THSD7B: variants seen among roughly 807,000 people sequenced by gnomAD.
THSD7B encodes thrombospondin type-1 domain-containing protein 7B.
In THSD7B, 138 loss-of-function variants were observed where a neutral mutation model predicts 213.6. The observed-to-expected ratio is 0.65, with a 90% CI of 0.56 to 0.74. THSD7B has a LOEUF of 0.74. Among genes scored for constraint, THSD7B ranks in the 30% least tolerant of loss-of-function variants. The pLI, the probability that THSD7B is intolerant of heterozygous loss-of-function variation, is 0.00. For synonymous variants in THSD7B, 742 were observed against 687.0 expected (o/e 1.08, Z -1.25); for missense variants, 1,931 against 1,991.5 (o/e 0.97, Z 0.58).
In THSD7B at chr2:137,576,061, T is replaced by C. The variant is rs1048103128; in HGVS notation, c.3423+3505T>C. ...CAAGAGAAGTTTATAAATTTCTGGA[T>C]GCAAATATCTTGGAACATTTGAAGT... is the stretch of plus-strand genomic sequence containing the variant. On this transcript the variant is annotated intron_variant, in intron 17 of 27. Transcript: ENST00000409968. 2.6e-5 allele frequency among the ~76,000 whole-genome samples: 4 copies of C among 152,254 alleles called. No homozygotes were observed. The East Asian group carries it at 7.7e-4, about 29-fold the overall frequency.
Position 136,897,555 on chromosome 2 carries a change from T to C in THSD7B, c.139+15238T>C, listed in dbSNP as rs141174325. ...TAGTGTGGACCCAAAGAGTGAGCAG[T>C]AGCAAGATTTATTGTGAAGAGCGAA... On this transcript the variant is annotated intron_variant, in intron 2 of 27. Coordinates refer to ENST00000409968, the MANE Select transcript of THSD7B (RefSeq NM_001316349.2). 3.1e-3 allele frequency among the ~76,000 whole-genome samples: 471 copies of C among 152,132 alleles called. 1 individual carries two copies. Among genetic ancestry groups the C allele is most frequent in the Non-Finnish European group, 5.5e-3 (377 of 68,006 alleles).
At chr2:137,370,768 C>G (rs1685522340) in intron 12 of THSD7B, among the ~76,000 whole-genome samples, 1 of 151,994 alleles carries the variant, frequency 6.6e-6, no homozygotes. Context: ...CGTGCCCAGC[C>G]CTTAATAATA....
chr2:137,161,199 A>G (rs1277403103), intron 6 of THSD7B, among the ~76,000 whole-genome samples: 1 of 152,146 alleles, frequency 6.6e-6, no homozygotes, highest in Non-Finnish European at 1.5e-5. Flanking sequence ...TAATCAAAAT[A>G]CGTGTCTTCA....
chr2:137,130,570 T>G (rs1209604605), intron 5 of THSD7B, among the ~76,000 whole-genome samples: 1 of 134,594 alleles, frequency 7.4e-6, no homozygotes, highest in Admixed American at 8.2e-5. Context: ...GATGTTCCCC[T>G]TCCTGTGTCC....
chr2:137,525,215 C>T (rs1680256582), intron 15 of THSD7B, among the ~76,000 whole-genome samples: 1 of 152,154 alleles, frequency 6.6e-6, no homozygotes, highest in African/African-American at 2.4e-5. Flanking sequence ...TGATCATGGA[C>T]TGCTGCAGAA....
At chr2:137,039,328 A>G (rs1686835800) in intron 2 of THSD7B, among the ~76,000 whole-genome samples, 1 of 152,208 alleles carries the variant, frequency 6.6e-6, no homozygotes, top group Non-Finnish European at 1.5e-5. Context: ...ATATATTAAT[A>G]GTCTATATTA....
At chr2:136,834,165 A>G (rs932930985) in intron 1 of THSD7B, among the ~76,000 whole-genome samples, 23 of 152,196 alleles carry the variant, frequency 1.5e-4, no homozygotes, top group African/African-American at 5.3e-4. Flanking sequence ...CCAAGAGCTA[A>G]AAGGTTAATG....
At chr2:137,083,909 A>T (rs1687791735) in intron 3 of THSD7B, among the ~76,000 whole-genome samples, 1 of 152,154 alleles carries the variant, frequency 6.6e-6, no homozygotes, top group South Asian at 2.1e-4. Flanking sequence ...GAGTTTCTAA[A>T]GTACTTAGTT....
At chr2:137,257,923 C>A (rs577587245) in intron 10 of THSD7B, among the ~76,000 whole-genome samples, 107 of 152,262 alleles carry the variant, frequency 7.0e-4, no homozygotes, top group African/African-American at 2.4e-3. Flanking sequence ...GCATGAGGAA[C>A]AGAAGCTCTC....
chr2:137,386,110 GCA>G (rs1357343069), intron 12 of THSD7B, among the ~76,000 whole-genome samples: 1 of 152,108 alleles, frequency 6.6e-6, no homozygotes, highest in Non-Finnish European at 1.5e-5. Context: ...TTGTTTCTCT[GCA>G]CACCTTTCAT....
At chr2:137,252,447 A>G (rs1053011464) in intron 10 of THSD7B, among the ~76,000 whole-genome samples, 7 of 151,988 alleles carry the variant, frequency 4.6e-5, no homozygotes, top group African/African-American at 1.7e-4. Context: ...GATTATAGGC[A>G]TGAGCCACCA....
chr2:137,486,680 C>T (rs1265329161), intron 15 of THSD7B, among the ~76,000 whole-genome samples: 11 of 152,000 alleles, frequency 7.2e-5, no homozygotes, highest in African/African-American at 2.7e-4. Flanking sequence ...CCCAAATCAA[C>T]AGAATATACA....
chr2:137,288,525 A>G (rs1376001459), intron 12 of THSD7B, among the ~76,000 whole-genome samples: 1 of 152,004 alleles, frequency 6.6e-6, no homozygotes, highest in Non-Finnish European at 1.5e-5. Flanking sequence ...ATAACAGAAG[A>G]ATGACTTCAG....
chr2:136,942,410 G>C (rs957991923), intron 2 of THSD7B, among the ~76,000 whole-genome samples: 1 of 152,148 alleles, frequency 6.6e-6, no homozygotes, highest in Non-Finnish European at 1.5e-5. Context: ...GCTTGATGGG[G>C]ATGGCATTGA....
intron 3 of THSD7B, among the ~76,000 whole-genome samples, chr2:137,073,357 A>T (rs1021771810): frequency 7.9e-5 from 12 of 152,190 alleles, no homozygotes; most frequent in Admixed American, 7.9e-4. Flanking sequence ...CGAGGAATTT[A>T]TCCATTTCTT....
At chr2:137,548,599 C>T (rs1680784501) in intron 15 of THSD7B, among the ~76,000 whole-genome samples, 1 of 151,998 alleles carries the variant, frequency 6.6e-6, no homozygotes, top group African/African-American at 2.4e-5. Flanking sequence ...TACATTTTCC[C>T]ATTTTCATAC....
chr2:136,814,029 A>G (rs1015727993), intron 1 of THSD7B, among the ~76,000 whole-genome samples: 34 of 152,084 alleles, frequency 2.2e-4, no homozygotes, highest in African/African-American at 2.4e-4. Flanking sequence ...CTGATTTCCA[A>G]TATCCCCCTG....
chr2:137,302,036 C>A lies in THSD7B; in HGVS notation c.2500+26010C>A, dbSNP rs746237042. On this transcript the variant is annotated intron_variant, in intron 12 of 27. Coordinates refer to ENST00000409968, the MANE Select transcript of THSD7B (RefSeq NM_001316349.2). ...AGGGGAATGATGATGTGACTTGGAC[C>A]AGAGTGCTGTCATTAGACGTAAGAA... Among the ~76,000 whole-genome samples the A allele has an allele frequency of 1.2e-4, 19 of 152,002 alleles. 1 individual carries two copies. The highest frequency in any genetic ancestry group is 5.2e-4 in the Admixed American group (8 of 15,256).
chr2:137,606,811 A>G (rs72983438), intron 17 of THSD7B, among the ~76,000 whole-genome samples: 33,771 of 152,008 alleles, frequency 0.22, 4,445 homozygotes, highest in African/African-American at 0.36. Context: ...GGAGGAGGAG[A>G]AGGAAAGGAA....
Sources: gnomAD v4.1 joint callset for allele counts (sites outside exome capture counted in the v4.1 genomes callset) on GRCh38, gnomAD v4.1.1 for gene constraint, MANE v1.5 for transcripts, NCBI Gene and HGNC (gene_info 2026-07-23, HGNC 2026-07-21) for gene names.